The following PLXDC2 variants were observed in gnomAD, a reference collection of about 807,000 sequenced individuals.
PLXDC2 encodes plexin domain containing 2.
PLXDC2 carries 40 observed loss-of-function variants against 68.9 expected under a neutral mutation model. The observed-to-expected ratio is 0.58, with a 90% CI of 0.45 to 0.76. The LOEUF (loss-of-function observed/expected upper bound fraction) is 0.76, where lower values mean the gene tolerates loss of function less well. Ranked by LOEUF, PLXDC2 falls within the 30% of genes least tolerant of loss-of-function variation. The pLI is 0.00. For missense variants in PLXDC2, 644 were observed against 661.9 expected, an observed-to-expected ratio of 0.97 and a Z score of 0.30; for synonymous variants, 243 against 234.2, an observed-to-expected ratio of 1.04 and a Z score of -0.34.
intron 1 of PLXDC2, among the ~76,000 whole-genome samples, chr10:19,999,858 A>G (rs1368946661): frequency 1.3e-5 from 2 of 152,234 alleles, no homozygotes; most frequent in African/African-American, 2.4e-5. Context: ...TCTCAGGAAA[A>G]GCTGTCTGCT....
intron 1 of PLXDC2, among the ~76,000 whole-genome samples, chr10:19,962,195 GT>G (rs1834164177): frequency 6.6e-6 from 1 of 152,038 alleles, no homozygotes; most frequent in African/African-American, 2.4e-5. Context: ...ATCTTACTGA[GT>G]TTAGAGCACT....
intron 4 of PLXDC2, among the ~76,000 whole-genome samples, chr10:20,130,234 T>C (rs926235778): frequency 6.6e-6 from 1 of 152,122 alleles, no homozygotes; most frequent in East Asian, 1.9e-4. Flanking sequence ...TCTCTTTGGA[T>C]AAAATTATTT....
At chr10:19,943,675 C>T (rs1833855502) in intron 1 of PLXDC2, among the ~76,000 whole-genome samples, 1 of 152,120 alleles carries the variant, frequency 6.6e-6, no homozygotes, top group Non-Finnish European at 1.5e-5. Context: ...TTCCCTTGTA[C>T]CCTAAAGAAA....
intron 7 of PLXDC2, 99 bp from the exon 8 acceptor site, chr10:20,176,900 T>C (rs183312025): frequency 6.3e-6 from 5 of 788,914 alleles, no homozygotes; most frequent in East Asian, 5.3e-5. Context: ...TAAAACCACA[T>C]TGGGCTATAT....
At chr10:19,941,056 G>A (rs557655537) in intron 1 of PLXDC2, among the ~76,000 whole-genome samples, 4 of 152,258 alleles carry the variant, frequency 2.6e-5, no homozygotes, top group African/African-American at 9.6e-5. Context: ...AATTTACACA[G>A]CTATGCCATG....
chr10:20,142,062 A>G (rs1056406369), intron 4 of PLXDC2, among the ~76,000 whole-genome samples: 2 of 152,120 alleles, frequency 1.3e-5, no homozygotes, highest in African/African-American at 4.8e-5. Context: ...TTAATTTCTA[A>G]GTAAATAACT....
chr10:20,134,415 G>A (rs147872628), intron 4 of PLXDC2, among the ~76,000 whole-genome samples: 29 of 152,226 alleles, frequency 1.9e-4, no homozygotes, highest in African/African-American at 3.9e-4. Context: ...CTGTGCCAGC[G>A]GCTGACAAAA....
intron 1 of PLXDC2, among the ~76,000 whole-genome samples, chr10:19,953,436 G>T (rs1834022266): frequency 1.3e-5 from 2 of 152,216 alleles, no homozygotes. Flanking sequence ...TGTTTGTTAA[G>T]GGTAAAAAGT....
chr10:19,959,093 C>T (rs1589556597), intron 1 of PLXDC2, among the ~76,000 whole-genome samples: 1 of 152,172 alleles, frequency 6.6e-6, no homozygotes, highest in African/African-American at 2.4e-5. Context: ...TAAATTTGGA[C>T]TGTCATTTCC....
At chr10:19,885,185 C>G (rs1419541704) in intron 1 of PLXDC2, among the ~76,000 whole-genome samples, 2 of 150,158 alleles carry the variant, frequency 1.3e-5, no homozygotes, top group African/African-American at 2.4e-5. Flanking sequence ...CCTTTGCCCA[C>G]TTTTTGATGG....
At chr10:20,172,416 G>A (rs183426039) in intron 7 of PLXDC2, among the ~76,000 whole-genome samples, 1,547 of 152,156 alleles carry the variant, frequency 0.01, 19 homozygotes, top group Non-Finnish European at 0.014. Flanking sequence ...CTGCCTCACC[G>A]GCCCACTGTG....
intron 1 of PLXDC2, among the ~76,000 whole-genome samples, chr10:19,876,931 A>C (rs948430478): frequency 2.6e-5 from 4 of 152,188 alleles, no homozygotes; most frequent in Admixed American, 6.5e-5. Context: ...CTCGTACAAA[A>C]ACGTATCTGA....
rs772406318 is a variant in PLXDC2 at position 20,177,364 on chromosome 10, C to T, written c.1016C>T (p.Ser339Phe). The change falls in exon 9 of 14, where the codon TCT becomes TTT. Residue 339 changes from serine to phenylalanine, a missense_variant. Physicochemically the swap from Ser to Phe is radical, Grantham distance 155 (BLOSUM62 -2). Around this residue, in one of 3 missense-constraint regions of PLXDC2, gnomAD observed 330 missense variants for 327.9 expected, o/e 1.01. Coordinates refer to ENST00000377252, the MANE Select transcript of PLXDC2 (RefSeq NM_032812.9). ...LQFNRCGPCV[S>F]SQIGFNCSWC... ...TTTAACAGATGTGGCCCCTGTGTAT[C>T]TTCTCAGATTGGCTTCAACTGCAGT... The T allele has an allele frequency of 6.2e-7, 1 of 1,604,350 alleles. No homozygotes were observed. The highest frequency in any genetic ancestry group is 8.5e-7 in the Non-Finnish European group (1 of 1,171,880).
chr10:20,141,607 A>T (rs1003373314), intron 4 of PLXDC2, among the ~76,000 whole-genome samples: 4 of 152,046 alleles, frequency 2.6e-5, no homozygotes, highest in Non-Finnish European at 5.9e-5. Flanking sequence ...TTTTGTATTC[A>T]TTCTAATGAT....
In PLXDC2 at chr10:20,225,020, G is replaced by A. The variant is rs144338997; in HGVS notation, c.1312+5918G>A. 7.5e-3 allele frequency among the ~76,000 whole-genome samples: 1,144 copies of A among 152,202 alleles called. 9 individuals are homozygous for A. The highest frequency in any genetic ancestry group is 0.027 in the Middle Eastern group (8 of 294). ...CCAAAGTTGATATGTTAAGCAGTTT[G>A]AAGATCATGTTTAAGTTAATACAGA... On this transcript the variant is annotated intron_variant, in intron 12 of 13. Transcript: ENST00000377252.
chr10:19,831,044 A>G (rs1355168498), intron 1 of PLXDC2, among the ~76,000 whole-genome samples: 2 of 149,922 alleles, frequency 1.3e-5, no homozygotes, highest in African/African-American at 4.9e-5. Flanking sequence ...GGCACCTTTC[A>G]TAGTGCTTGG....
chr10:20,035,476 C>A (rs1196487228), intron 2 of PLXDC2, among the ~76,000 whole-genome samples: 1 of 152,020 alleles, frequency 6.6e-6, no homozygotes, highest in African/African-American at 2.4e-5. Context: ...GAGGGTGGAT[C>A]ACTTGAGGTC....
intron 6 of PLXDC2, among the ~76,000 whole-genome samples, chr10:20,150,169 A>G (rs1404342432): frequency 4.6e-5 from 7 of 152,092 alleles, no homozygotes; most frequent in Admixed American, 3.3e-4. Context: ...GGTTTTAAGG[A>G]TGTATAATGT....
intron 2 of PLXDC2, among the ~76,000 whole-genome samples, chr10:20,034,177 C>T (rs561091020): frequency 6.6e-6 from 1 of 152,224 alleles, no homozygotes; most frequent in East Asian, 1.9e-4. Context: ...TCCTCTTTAC[C>T]TGTCCTTCCT....
Sources: allele counts gnomAD v4.1 joint callset (sites outside exome capture counted in the v4.1 genomes callset), GRCh38; gene constraint gnomAD v4.1.1; regional missense constraint gnomAD v4.1.1; transcripts MANE v1.5; gene names NCBI Gene and HGNC (gene_info 2026-07-23, HGNC 2026-07-21).